Variants in PATJ observed in about 807,000 individuals in gnomAD.
The protein encoded by PATJ is PATJ crumbs cell polarity complex component.
PATJ carries 190 observed loss-of-function variants against 224.9 expected under a neutral mutation model. The ratio of observed to expected loss-of-function variants is 0.84; its 90% CI spans 0.75 to 0.95. PATJ has a LOEUF of 0.95. Ranked by LOEUF, PATJ falls within the 40% of genes least tolerant of loss-of-function variation. PATJ has a pLI of 0.00. For missense variants in PATJ, 2,121 were observed against 2,270.3 expected (o/e 0.93, Z 1.34); for synonymous variants, 769 against 820.3 (o/e 0.94, Z 1.07).
At chr1:62,139,362 G>T (rs973140882) in intron 41 of PATJ, among the ~76,000 whole-genome samples, 15 of 135,360 alleles carry the variant, frequency 1.1e-4, no homozygotes, top group Admixed American at 3.4e-4. Flanking sequence ...ATTGCGCCAC[G>T]GCACTCCAGC....
At position 62,088,983 on chromosome 1, in the gene PATJ, CAAT is replaced by C. The variant is rs774994662; in HGVS notation, c.4377+4339_4377+4341del. On this transcript the variant is annotated intron_variant, in intron 33 of 43. Transcript: ENST00000642238. ...AGGAGGTGTTCATGAATATTAAAAA[CAAT>C]AATCCTGGGAAGTTACAGTTTAAAT... Among the ~76,000 whole-genome samples, 132 of 151,858 alleles carry C rather than the reference CAAT, an allele frequency of 8.7e-4. 1 individual carries two copies. Among genetic ancestry groups the C allele is most frequent in the Non-Finnish European group, 1.4e-3 (96 of 67,950 alleles).
chr1:61,847,855 C>T (rs1374167280), intron 17 of PATJ, among the ~76,000 whole-genome samples: 1 of 152,100 alleles, frequency 6.6e-6, no homozygotes, highest in Non-Finnish European at 1.5e-5. Context: ...GCTTCTGTTG[C>T]TCTGAAAATG....
At chr1:62,139,209 TGGC>T in intron 41 of PATJ, among the ~76,000 whole-genome samples, 1 of 151,906 alleles carries the variant, frequency 6.6e-6, no homozygotes, top group Non-Finnish European at 1.5e-5. Context: ...AAGACCAGCC[TGGC>T]CAAGATGGTG....
intron 27 of PATJ, among the ~76,000 whole-genome samples, chr1:61,974,405 C>CTTTTTTTTTTTTT (rs149825131): frequency 1.6e-5 from 1 of 64,270 alleles, no homozygotes. Flanking sequence ...CTCTCTCTCT[C>CTTTTTTTTTTTTT]TTTTTTTTTT....
intron 33 of PATJ, among the ~76,000 whole-genome samples, chr1:62,101,147 C>A (rs2148833615): frequency 6.6e-6 from 1 of 152,010 alleles, no homozygotes; most frequent in South Asian, 2.1e-4. Flanking sequence ...TAGAGAGATA[C>A]TTATCAGTGA....
chr1:61,801,222 T>C (rs550737602), intron 11 of PATJ, among the ~76,000 whole-genome samples: 1 of 152,296 alleles, frequency 6.6e-6, no homozygotes, highest in South Asian at 2.1e-4. Context: ...CCTATTTCTC[T>C]ACATCCTCTC....
At chr1:61,919,603 C>A (rs1161607618) in intron 26 of PATJ, among the ~76,000 whole-genome samples, 1 of 152,058 alleles carries the variant, frequency 6.6e-6, no homozygotes, top group Non-Finnish European at 1.5e-5. Flanking sequence ...CTGCCTCTAG[C>A]CTAAGTTTTG....
At chr1:61,790,089 A>G (rs1649455774) in intron 8 of PATJ, among the ~76,000 whole-genome samples, 1 of 149,560 alleles carries the variant, frequency 6.7e-6, no homozygotes, top group South Asian at 2.1e-4. Context: ...CTGTAGTCCC[A>G]GCTACTTGGG....
chr1:61,990,158 C>A lies in PATJ; in HGVS notation c.3671-10C>A, dbSNP rs775559521. The stretch of plus-strand genomic sequence containing the variant: ...TACTCTATTTAATTTTAAAAAAATT[C>A]TTTTAATAGAAAAAATCAGACAAAG... On this transcript the variant is annotated splice_polypyrimidine_tract_variant and intron_variant, in intron 27 of 43. Transcript: ENST00000642238. 3.8e-6 allele frequency: 6 copies of A among 1,572,404 alleles called. No homozygotes were observed. Among genetic ancestry groups the A allele is most frequent in the Non-Finnish European group, 8.6e-7 (1 of 1,160,502 alleles).
intron 38 of PATJ, among the ~76,000 whole-genome samples, 197 bp downstream of exon 38, chr1:62,121,492 T>C (rs1665044788): frequency 6.6e-6 from 1 of 152,064 alleles, no homozygotes; most frequent in South Asian, 2.1e-4. Flanking sequence ...TGGCCAGGCA[T>C]GGTGGCTCAC....
At chr1:61,977,225 T>C (rs35899620) in intron 27 of PATJ, among the ~76,000 whole-genome samples, 35,951 of 151,940 alleles carry the variant, frequency 0.24, 4,831 homozygotes, top group African/African-American at 0.34. Context: ...GGAGCTGGGA[T>C]TACAGGCGTG....
At chr1:61,813,394 C>A (rs1164597064) in intron 14 of PATJ, among the ~76,000 whole-genome samples, 1 of 138,888 alleles carries the variant, frequency 7.2e-6, no homozygotes, top group East Asian at 2.1e-4. Flanking sequence ...CACACACACA[C>A]ACACATACAC....
intron 9 of PATJ, among the ~76,000 whole-genome samples, chr1:61,792,443 A>G (rs1294544264): frequency 2.0e-5 from 3 of 152,210 alleles, no homozygotes; most frequent in Non-Finnish European, 4.4e-5. Context: ...AAAGTGAATG[A>G]CTGGTAGAAC....
chr1:62,058,803 A>G (rs1654955065), intron 31 of PATJ, among the ~76,000 whole-genome samples: 1 of 152,056 alleles, frequency 6.6e-6, no homozygotes, highest in South Asian at 2.1e-4. Context: ...GATAAGTAAG[A>G]CCGCTTTCAT....
chr1:61,944,659 A>T (rs899025193), intron 27 of PATJ, among the ~76,000 whole-genome samples: 7 of 152,340 alleles, frequency 4.6e-5, no homozygotes, highest in Non-Finnish European at 7.3e-5. Context: ...TCTGCAGGAT[A>T]TTATCCAGGA....
At chr1:61,787,318 T>G (rs1648767813) in intron 7 of PATJ, among the ~76,000 whole-genome samples, 1 of 152,234 alleles carries the variant, frequency 6.6e-6, no homozygotes, top group Non-Finnish European at 1.5e-5. Flanking sequence ...TTTCCTCATT[T>G]TCTTGTAGCC....
chr1:61,867,922 A>G (rs1479818654), intron 20 of PATJ, among the ~76,000 whole-genome samples: 1 of 152,204 alleles, frequency 6.6e-6, no homozygotes, highest in Non-Finnish European at 1.5e-5. Context: ...GTAATTCCCA[A>G]TACTATTCTA....
chr1:61,900,985 G>A (rs1671078780), intron 23 of PATJ, among the ~76,000 whole-genome samples: 1 of 152,174 alleles, frequency 6.6e-6, no homozygotes, highest in South Asian at 2.1e-4. Context: ...ACTAATGACA[G>A]AAAATATATT....
intron 30 of PATJ, among the ~76,000 whole-genome samples, chr1:62,041,727 G>A (rs1007035898): frequency 2.0e-5 from 3 of 152,090 alleles, no homozygotes; most frequent in African/African-American, 7.2e-5. Flanking sequence ...GTACAAGCTA[G>A]TATGTAAAAT....
Sources: allele counts gnomAD v4.1 joint callset (sites outside exome capture counted in the v4.1 genomes callset), GRCh38; gene constraint gnomAD v4.1.1; transcripts MANE v1.5; gene names NCBI Gene and HGNC (gene_info 2026-07-23, HGNC 2026-07-21).